The following EXOC6 variants were observed in gnomAD, a reference collection of about 807,000 sequenced individuals.
EXOC6 encodes the protein exocyst complex component 6, also known as SEC15-like 1.
A neutral mutation model predicts 112.5 loss-of-function variants in EXOC6; 60 were observed. The observed-to-expected ratio is 0.53, with a 90% confidence interval of 0.43 to 0.66. The LOEUF is 0.66. Ranked by LOEUF, EXOC6 falls within the 30% of genes least tolerant of loss-of-function variation. The pLI is 0.00. For missense variants in EXOC6, 855 were observed against 957.1 expected, an observed-to-expected ratio of 0.89 and a Z score of 1.41; for synonymous variants, 295 against 308.0, an observed-to-expected ratio of 0.96 and a Z score of 0.44.
chr10:92,887,390 A>ATT (rs11304638), intron 1 of EXOC6, among the ~76,000 whole-genome samples: 19 of 83,744 alleles, frequency 2.3e-4, no homozygotes, highest in South Asian at 4.5e-4. Flanking sequence ...GATTAATTTA[A>ATT]TTTTTTTTTT....
At chr10:92,921,707 G>A (rs970009854) in intron 8 of EXOC6, among the ~76,000 whole-genome samples, 68 of 150,288 alleles carry the variant, frequency 4.5e-4, no homozygotes, top group African/African-American at 1.6e-3. Context: ...GAGTGCAGTG[G>A]CGTGATCACA....
chr10:93,000,414 G>T (rs1262319034), intron 19 of EXOC6, among the ~76,000 whole-genome samples: 2 of 152,168 alleles, frequency 1.3e-5, no homozygotes, highest in African/African-American at 2.4e-5. Context: ...CCTTTGGGCA[G>T]AGTTACTAGA....
At chr10:93,021,767 C>T (rs991677850) in intron 20 of EXOC6, among the ~76,000 whole-genome samples, 1 of 152,188 alleles carries the variant, frequency 6.6e-6, no homozygotes, top group Non-Finnish European at 1.5e-5. Flanking sequence ...ATCCAAAGGA[C>T]AGCTTTAAGA....
chr10:92,923,164 A>G, intron 8 of EXOC6, among the ~76,000 whole-genome samples: 1 of 152,254 alleles, frequency 6.6e-6, no homozygotes, highest in Non-Finnish European at 1.5e-5. Flanking sequence ...CTGAGGTATA[A>G]CTTATGCTCT....
intron 20 of EXOC6, among the ~76,000 whole-genome samples, chr10:93,030,986 C>T (rs1845245201): frequency 6.6e-6 from 1 of 152,050 alleles, no homozygotes; most frequent in African/African-American, 2.4e-5. Context: ...ATTTAGTGTA[C>T]TAAAAATAGG....
intron 9 of EXOC6, among the ~76,000 whole-genome samples, chr10:92,931,144 A>G (rs1414738899): frequency 6.6e-6 from 1 of 150,670 alleles, no homozygotes; most frequent in Admixed American, 6.6e-5. Flanking sequence ...AAAAAAGGAA[A>G]GGAAAAGGCA....
chr10:92,912,553 A>G (rs1014516396), intron 6 of EXOC6, among the ~76,000 whole-genome samples: 1 of 152,176 alleles, frequency 6.6e-6, no homozygotes, highest in Non-Finnish European at 1.5e-5. Context: ...GTAATTCTTT[A>G]ACATAACATC....
chr10:92,946,203 G>C (rs955922638), intron 13 of EXOC6, among the ~76,000 whole-genome samples: 10 of 152,172 alleles, frequency 6.6e-5, no homozygotes, highest in African/African-American at 2.2e-4. Context: ...GGCTGAGGCA[G>C]GAGAATGGCG....
intron 20 of EXOC6, among the ~76,000 whole-genome samples, chr10:93,056,702 T>G (rs918037902): frequency 6.6e-6 from 1 of 152,182 alleles, no homozygotes; most frequent in African/African-American, 2.4e-5. Flanking sequence ...AAACATGAAG[T>G]ATTTTACTAG....
In EXOC6 at chr10:92,880,922, C is replaced by A. The variant is rs185830124; in HGVS notation, c.102-12427C>A. On this transcript the variant is annotated intron_variant, in intron 1 of 21. Coordinates refer to ENST00000260762, the MANE Select transcript of EXOC6 (RefSeq NM_019053.6). ...TTAATACTATTTTAAATATTTTATGCAAATTTCCAAGTAACTTGTATTCTA... is the reference window on the plus strand; with the variant it reads ...TTAATACTATTTTAAATATTTTATGAAAATTTCCAAGTAACTTGTATTCTA... 3.9e-5 allele frequency among the ~76,000 whole-genome samples: 6 copies of A among 152,142 alleles called. No individual in the cohort carries two copies. The East Asian group carries it at 1.2e-3, about 29-fold the overall frequency.
intron 1 of EXOC6, among the ~76,000 whole-genome samples, chr10:92,856,251 T>G (rs1447213931): frequency 1.3e-5 from 2 of 151,938 alleles, no homozygotes; most frequent in South Asian, 2.1e-4. Context: ...TTGCTCTCTT[T>G]TTTATTATGA....
chr10:92,911,134 GAAATA>G (rs1850736026), intron 6 of EXOC6, among the ~76,000 whole-genome samples: 2 of 152,118 alleles, frequency 1.3e-5, no homozygotes, highest in Non-Finnish European at 2.9e-5. Context: ...CAATGTCATA[GAAATA>G]AAACAATGCT....
At chr10:92,936,854 G>T (rs558278423) in intron 12 of EXOC6, among the ~76,000 whole-genome samples, 3 of 152,034 alleles carry the variant, frequency 2.0e-5, no homozygotes, top group East Asian at 1.9e-4. Context: ...ACAGCGGGGG[G>T]TTTATAACCT....
At chr10:92,844,090 G>T (rs1382049784), upstream of EXOC6, among the ~76,000 whole-genome samples, 6 of 150,170 alleles carry the variant, frequency 4.0e-5, no homozygotes, top group Non-Finnish European at 7.4e-5. Context: ...GGCGGAGGTT[G>T]CAGTGAGCCG....
chr10:92,965,710 A>C (rs76486125), intron 17 of EXOC6, among the ~76,000 whole-genome samples: 1,624 of 152,322 alleles, frequency 0.011, 34 homozygotes, highest in African/African-American at 0.037. Flanking sequence ...GAAAAGTTAC[A>C]TTGAAAGCCT....
At chr10:92,945,139 T>G (rs1056213556) in intron 13 of EXOC6, among the ~76,000 whole-genome samples, 2 of 152,218 alleles carry the variant, frequency 1.3e-5, no homozygotes, top group African/African-American at 4.8e-5. Context: ...TTATTCCTGA[T>G]CTGTATACCT....
At chr10:92,976,233 G>C (rs1486300066) in intron 18 of EXOC6, among the ~76,000 whole-genome samples, 1 of 152,198 alleles carries the variant, frequency 6.6e-6, no homozygotes, top group South Asian at 2.1e-4. Context: ...GAATAGAAAG[G>C]GGGGAAAGGT....
chr10:92,985,181 G>T (rs1427270759), intron 18 of EXOC6, among the ~76,000 whole-genome samples: 1 of 151,874 alleles, frequency 6.6e-6, no homozygotes, highest in Non-Finnish European at 1.5e-5. Flanking sequence ...TTTCATTAGG[G>T]TAATTGCCTG....
At chr10:92,885,027 C>T (rs963814575) in intron 1 of EXOC6, among the ~76,000 whole-genome samples, 1 of 152,114 alleles carries the variant, frequency 6.6e-6, no homozygotes, top group African/African-American at 2.4e-5. Flanking sequence ...CCAATTTTAA[C>T]ATTTTAATGT....
Sources: allele counts gnomAD v4.1 joint callset (sites outside exome capture counted in the v4.1 genomes callset), GRCh38; gene constraint gnomAD v4.1.1; transcripts MANE v1.5; gene names NCBI Gene and HGNC (gene_info 2026-07-23, HGNC 2026-07-21).